The following CSMD2 variants were observed in gnomAD, a reference collection of about 807,000 sequenced individuals.
CSMD2 encodes the protein CUB and sushi domain-containing protein 2.
In CSMD2, 130 loss-of-function variants were observed where a neutral mutation model predicts 398.5. The ratio of observed to expected loss-of-function variants is 0.33; its 90% CI spans 0.28 to 0.38. The LOEUF (loss-of-function observed/expected upper bound fraction) is 0.38. CSMD2 is among the 10% of genes least tolerant of loss of function. CSMD2 has a pLI of 1.00. For missense variants in CSMD2, 3,829 were observed against 4,764.9 expected (o/e 0.80, Z 5.78); for synonymous variants, 1,828 against 1,908.5 (o/e 0.96, Z 1.10).
chr1:33,634,553 C>T (rs1193774799), intron 31 of CSMD2, among the ~76,000 whole-genome samples: 1 of 152,170 alleles, frequency 6.6e-6, no homozygotes, highest in African/African-American at 2.4e-5. Context: ...CCAGCCTGGT[C>T]ACCTGGTTGC....
chr1:33,674,088 G>C (rs564575110), intron 25 of CSMD2, among the ~76,000 whole-genome samples: 12 of 152,260 alleles, frequency 7.9e-5, no homozygotes, highest in Non-Finnish European at 1.5e-4. Flanking sequence ...CATCATGACA[G>C]GATCAAATTC....
intron 24 of CSMD2, among the ~76,000 whole-genome samples, chr1:33,693,408 C>T (rs761058788): frequency 4.6e-5 from 7 of 152,294 alleles, no homozygotes; most frequent in Admixed American, 1.3e-4. Flanking sequence ...GATATCACTT[C>T]ACACCCACTG....
chr1:33,580,670 G>T, intron 48 of CSMD2, 83 bp downstream of exon 48: 4 of 1,498,242 alleles, frequency 2.7e-6, no homozygotes, highest in Admixed American at 3.8e-5. Context: ...TTTAGGAGGG[G>T]AATGGCCGCC....
intron 1 of CSMD2, among the ~76,000 whole-genome samples, chr1:34,111,584 A>T (rs1050952416): frequency 2.0e-5 from 3 of 152,228 alleles, no homozygotes; most frequent in Non-Finnish European, 4.4e-5. Flanking sequence ...TATTTCTGTT[A>T]AACCTTCCAA....
At chr1:33,590,248 A>G (rs982880959) in intron 44 of CSMD2, among the ~76,000 whole-genome samples, 9 of 150,840 alleles carry the variant, frequency 6.0e-5, no homozygotes, top group African/African-American at 2.0e-4. Flanking sequence ...CTGCCTCCCA[A>G]GTAGCTGGGA....
chr1:33,756,978 T>C (rs967502067), intron 13 of CSMD2, among the ~76,000 whole-genome samples: 9 of 152,074 alleles, frequency 5.9e-5, no homozygotes, highest in Non-Finnish European at 1.3e-4. Flanking sequence ...TATGCAGCCA[T>C]AAAAAGTGAT....
At chr1:33,880,545 C>T (rs1190344275) in intron 5 of CSMD2, among the ~76,000 whole-genome samples, 1 of 152,180 alleles carries the variant, frequency 6.6e-6, no homozygotes, top group Admixed American at 6.5e-5. Flanking sequence ...GTGTGACCCA[C>T]ATATGAGAAA....
intron 13 of CSMD2, among the ~76,000 whole-genome samples, chr1:33,745,279 C>T (rs10914770): frequency 0.25 from 38,513 of 151,976 alleles, 5,521 homozygotes; most frequent in African/African-American, 0.39. Context: ...ATATCAGGGT[C>T]GTAGGCGTTC....
intron 3 of CSMD2, among the ~76,000 whole-genome samples, chr1:34,012,883 G>T (rs4653367): frequency 0.21 from 32,125 of 152,128 alleles, 4,070 homozygotes; most frequent in East Asian, 0.57. Flanking sequence ...CAACATAGCT[G>T]CCAGGGCCTG....
At chr1:33,941,807 A>G (rs1644683715) in intron 3 of CSMD2, among the ~76,000 whole-genome samples, 1 of 151,964 alleles carries the variant, frequency 6.6e-6, no homozygotes, top group Admixed American at 6.5e-5. Context: ...TTTCCTCTCC[A>G]TTCAACTGAT....
At chr1:33,589,480 G>A (rs1362152886) in intron 44 of CSMD2, among the ~76,000 whole-genome samples, 1 of 152,182 alleles carries the variant, frequency 6.6e-6, no homozygotes, top group East Asian at 1.9e-4. Flanking sequence ...CAAAAAAGCA[G>A]CATTTATTTT....
intron 13 of CSMD2, among the ~76,000 whole-genome samples, chr1:33,753,800 G>A (rs984399642): frequency 4.6e-5 from 7 of 152,268 alleles, no homozygotes; most frequent in Non-Finnish European, 7.3e-5. Flanking sequence ...ATATGGAGTC[G>A]AGGGTTATGT....
rs533360583 is a variant in CSMD2 at position 33,832,002 on chromosome 1, G to A, written c.1034-6228C>T. 2.0e-3 allele frequency among the ~76,000 whole-genome samples: 310 copies of A among 152,046 alleles called. 2 individuals are homozygous for A. Among genetic ancestry groups the A allele is most frequent in the Middle Eastern group, 0.01 (3 of 294 alleles). ...ATGCACCCAATACAGGAGCACCCGG[G>A]TTCATAAAGCAAGTCCTGAGTGACC... is the stretch of plus-strand genomic sequence containing the variant. On this transcript the variant is annotated intron_variant, in intron 6 of 70. Transcript: ENST00000373381.
rs763432732 is a variant in CSMD2 at position 33,810,725 on chromosome 1, G to A, written c.1446+18C>T. On this transcript the variant is annotated intron_variant, in intron 10 of 70. Coordinates refer to ENST00000373381, the MANE Select transcript of CSMD2 (RefSeq NM_001281956.2). The stretch of plus-strand genomic sequence containing the variant: ...AGCCCTGCCCACAGAACACCACCCC[G>A]CTCCCCAAGAGGCTTACCTTGGAGG... 2.5e-5 allele frequency: 40 copies of A among 1,610,968 alleles called. No individual in the cohort carries two copies. The highest frequency in any genetic ancestry group is 1.5e-4 in the South Asian group (14 of 90,974).
chr1:33,754,341 C>T (rs562962326), intron 13 of CSMD2, among the ~76,000 whole-genome samples: 4 of 152,296 alleles, frequency 2.6e-5, no homozygotes, highest in East Asian at 3.9e-4. Context: ...CTATCACCTA[C>T]CCCACCCCCA....
chr1:34,067,402 G>T (rs925269577), intron 2 of CSMD2, among the ~76,000 whole-genome samples: 5 of 152,180 alleles, frequency 3.3e-5, no homozygotes, highest in African/African-American at 1.2e-4. Context: ...CCTGGATTAG[G>T]TGGGGGGTGC....
At chr1:33,878,923 T>C (rs1641039678) in intron 5 of CSMD2, among the ~76,000 whole-genome samples, 1 of 152,196 alleles carries the variant, frequency 6.6e-6, no homozygotes, top group South Asian at 2.1e-4. Context: ...TATGAATCCA[T>C]AGGACTGAAT....
intron 3 of CSMD2, among the ~76,000 whole-genome samples, chr1:34,018,084 CTTTT>C (rs750621546): frequency 1.3e-5 from 2 of 152,126 alleles, no homozygotes; most frequent in African/African-American, 4.8e-5. Flanking sequence ...TCAACTGTTT[CTTTT>C]TTTATTTCCA....
At chr1:33,545,938 T>G in intron 57 of CSMD2, 99 bp downstream of exon 57, 2 of 1,212,750 alleles carry the variant, frequency 1.6e-6, no homozygotes, top group Non-Finnish European at 2.3e-6. Flanking sequence ...GGGGCCACGG[T>G]TTTTTTCTGT....
Sources: allele counts gnomAD v4.1 joint callset (sites outside exome capture counted in the v4.1 genomes callset), GRCh38; gene constraint gnomAD v4.1.1; transcripts MANE v1.5; gene names NCBI Gene and HGNC (gene_info 2026-07-23, HGNC 2026-07-21).